NFIB: variants seen among roughly 807,000 people sequenced by gnomAD.
The protein encoded by NFIB is nuclear factor I B.
A neutral mutation model predicts 61.5 loss-of-function variants in NFIB; 11 were observed. That is an observed-to-expected ratio of 0.18 (90% confidence interval 0.11 to 0.30). The LOEUF (loss-of-function observed/expected upper bound fraction) is 0.30. Among genes scored for constraint, NFIB ranks in the 10% least tolerant of loss-of-function variants. The probability of loss-of-function intolerance (pLI) is 1.00; values close to 1 mark genes in which losing one functional copy is unlikely to be tolerated. For missense variants in NFIB, 471 were observed against 608.9 expected, an observed-to-expected ratio of 0.77 and a Z score of 2.38; for synonymous variants, 260 against 216.5, an observed-to-expected ratio of 1.20 and a Z score of -1.76.
At chr9:14,508,540 G>A in the NFIB span, among the ~76,000 whole-genome samples, 2 of 152,194 alleles carry the variant, frequency 1.3e-5, no homozygotes, top group African/African-American at 4.8e-5. Flanking sequence ...CTTAGAGGGC[G>A]AGAATTATAT....
At chr9:14,402,160 A>T (rs143360036), upstream of NFIB, among the ~76,000 whole-genome samples, 1 of 152,206 alleles carries the variant, frequency 6.6e-6, no homozygotes, top group African/African-American at 2.4e-5. Flanking sequence ...CATTATCTTT[A>T]AAAACACTTG....
At chr9:14,467,896 T>A in the NFIB span, among the ~76,000 whole-genome samples, 1 of 152,314 alleles carries the variant, frequency 6.6e-6, no homozygotes, top group East Asian at 1.9e-4. Context: ...TGAGATTTAA[T>A]AACAATGTAG....
chr9:14,252,238 T>C (rs181123463), intron 2 of NFIB, among the ~76,000 whole-genome samples: 45 of 152,334 alleles, frequency 3.0e-4, no homozygotes, highest in South Asian at 8.3e-4. Context: ...GGACTCTGTT[T>C]TCAAAGTCTT....
chr9:14,484,485 T>G, the NFIB span, among the ~76,000 whole-genome samples: 43 of 152,350 alleles, frequency 2.8e-4, no homozygotes, highest in African/African-American at 1.0e-3. Context: ...CTGCAAAATA[T>G]GTGTTTTTAT....
intron 2 of NFIB, among the ~76,000 whole-genome samples, chr9:14,216,256 T>C (rs1313153169): frequency 6.6e-6 from 1 of 152,170 alleles, no homozygotes; most frequent in Non-Finnish European, 1.5e-5. Context: ...CTGATAATCA[T>C]GTGCAAAGAA....
the NFIB span, among the ~76,000 whole-genome samples, chr9:14,483,746 C>G: frequency 6.6e-6 from 1 of 152,218 alleles, no homozygotes; most frequent in African/African-American, 2.4e-5. Context: ...TGTCAAAGCA[C>G]ATGGCTATGG....
intron 1 of NFIB, among the ~76,000 whole-genome samples, chr9:14,360,582 T>C (rs935678278): frequency 6.6e-6 from 1 of 151,360 alleles, no homozygotes; most frequent in African/African-American, 2.4e-5. Context: ...TCTCACTCTG[T>C]CGCCCAGGCT....
At chr9:14,275,636 G>A (rs990629411) in intron 2 of NFIB, among the ~76,000 whole-genome samples, 1 of 152,082 alleles carries the variant, frequency 6.6e-6, no homozygotes, top group Non-Finnish European at 1.5e-5. Context: ...CTAGTTGTGA[G>A]TACTTATCTA....
the NFIB span, among the ~76,000 whole-genome samples, chr9:14,439,302 C>T: frequency 1.3e-5 from 2 of 152,080 alleles, no homozygotes; most frequent in Non-Finnish European, 2.9e-5. Context: ...CCCAGGAGGT[C>T]AAGGCTATAG....
intron 3 of NFIB, among the ~76,000 whole-genome samples, chr9:14,173,897 T>C (rs375314960): frequency 8.5e-5 from 13 of 152,162 alleles, no homozygotes; most frequent in East Asian, 3.9e-4. Context: ...CTAGAAGCAC[T>C]GTGGAGGCTG....
the NFIB span, among the ~76,000 whole-genome samples, chr9:14,468,745 A>G: frequency 6.6e-6 from 1 of 152,228 alleles, no homozygotes; most frequent in African/African-American, 2.4e-5. Context: ...TTTGAATGCT[A>G]GGTGTTCTAC....
chr9:14,407,229 T>C, the NFIB span, among the ~76,000 whole-genome samples: 1 of 152,216 alleles, frequency 6.6e-6, no homozygotes, highest in Non-Finnish European at 1.5e-5. Flanking sequence ...TCTAACTAAA[T>C]ATTCTGCAAA....
intron 10 of NFIB, among the ~76,000 whole-genome samples, chr9:14,108,322 C>G (rs938108607): frequency 1.3e-5 from 2 of 151,970 alleles, no homozygotes; most frequent in Admixed American, 1.3e-4. Context: ...TAAATGACTA[C>G]CTTTCCAATG....
chr9:14,443,484 A>G, the NFIB span, among the ~76,000 whole-genome samples: 1 of 152,096 alleles, frequency 6.6e-6, no homozygotes, highest in Non-Finnish European at 1.5e-5. Flanking sequence ...TCTCAGGTAA[A>G]GGCACTGCCA....
At chr9:14,375,637 A>G (rs2132983717) in intron 1 of NFIB, among the ~76,000 whole-genome samples, 1 of 152,168 alleles carries the variant, frequency 6.6e-6, no homozygotes, top group East Asian at 1.9e-4. Context: ...TAGCCTGGGC[A>G]AAAAGAGCAA....
At chr9:14,437,045 G>C in the NFIB span, among the ~76,000 whole-genome samples, 1 of 152,184 alleles carries the variant, frequency 6.6e-6, no homozygotes, top group South Asian at 2.1e-4. Flanking sequence ...GCTTTGTCTG[G>C]ATTCCAGTTC....
At chr9:14,240,638 G>C (rs1479696568) in intron 2 of NFIB, among the ~76,000 whole-genome samples, 2 of 152,164 alleles carry the variant, frequency 1.3e-5, no homozygotes, top group Non-Finnish European at 2.9e-5. Flanking sequence ...TAAAAGCAAA[G>C]TATAGTAACA....
Position 14,222,806 on chromosome 9 carries a change from A to AAAAAAAAAAAG in NFIB, c.563-43027_563-43026insCTTTTTTTTTT, listed in dbSNP as rs1253170447. ...GTAAGATCCTGTCTCAAAAAAAAAA[A>AAAAAAAAAAAG]AAAGAAAGAAAGAAAAGAAAAAGAA... On this transcript the variant is annotated intron_variant, in intron 2 of 10. Coordinates refer to ENST00000380953, the MANE Select transcript of NFIB (RefSeq NM_001190737.2). Among the ~76,000 whole-genome samples the AAAAAAAAAAAG allele has an allele frequency of 8.6e-5, 13 of 150,622 alleles. No homozygotes were observed. In the East Asian group the frequency reaches 1.8e-3, roughly 20 times the overall value.
intron 1 of NFIB, among the ~76,000 whole-genome samples, chr9:14,342,748 C>T (rs1218586845): frequency 6.6e-6 from 1 of 152,098 alleles, no homozygotes; most frequent in Non-Finnish European, 1.5e-5. Flanking sequence ...GACAAGTTGT[C>T]ACTACCAACT....
Sources: allele counts gnomAD v4.1 joint callset (sites outside exome capture counted in the v4.1 genomes callset), GRCh38; gene constraint gnomAD v4.1.1; transcripts MANE v1.5; gene names NCBI Gene and HGNC (gene_info 2026-07-23, HGNC 2026-07-21).